PCDH15: variants seen among roughly 807,000 people sequenced by gnomAD.
PCDH15 encodes protocadherin related 15.
PCDH15 carries 129 observed loss-of-function variants against 178.5 expected under a neutral mutation model. That is an observed-to-expected ratio of 0.72 (90% CI 0.63 to 0.84). The LOEUF (loss-of-function observed/expected upper bound fraction) is 0.84. Ranked by LOEUF, PCDH15 falls within the 40% of genes least tolerant of loss-of-function variation. The probability of loss-of-function intolerance (pLI) is 0.00; values close to 1 mark genes in which losing one functional copy is unlikely to be tolerated. For synonymous variants in PCDH15, 800 were observed against 732.0 expected, an observed-to-expected ratio of 1.09 and a Z score of -1.50; for missense variants, 2,230 against 2,099.9, an observed-to-expected ratio of 1.06 and a Z score of -1.21.
chr10:54,830,171 T>C (rs980664840), intron 3 of PCDH15, among the ~76,000 whole-genome samples: 3 of 152,082 alleles, frequency 2.0e-5, no homozygotes, highest in Non-Finnish European at 4.4e-5. Context: ...TGGAAGTCAA[T>C]GTGGCGATTC....
At chr10:54,934,429 C>A (rs1416824578) in intron 2 of PCDH15, among the ~76,000 whole-genome samples, 1 of 151,988 alleles carries the variant, frequency 6.6e-6, no homozygotes, top group Non-Finnish European at 1.5e-5. Flanking sequence ...TTATTCTGGG[C>A]TATGCTAAAC....
chr10:54,395,218 T>C (rs1335972872), intron 3 of PCDH15, among the ~76,000 whole-genome samples: 1 of 152,160 alleles, frequency 6.6e-6, no homozygotes, highest in Admixed American at 6.6e-5. Context: ...GTTTAGAGAC[T>C]GCAGTAAAGA....
At chr10:55,490,068 A>G (rs1344760336) in intron 2 of PCDH15, among the ~76,000 whole-genome samples, 1 of 151,764 alleles carries the variant, frequency 6.6e-6, no homozygotes, top group East Asian at 2.0e-4. Context: ...TAAACAAAGC[A>G]ACAATTTACA....
intron 2 of PCDH15, among the ~76,000 whole-genome samples, chr10:54,577,376 G>T (rs2090592806): frequency 6.6e-6 from 1 of 151,818 alleles, no homozygotes; most frequent in African/African-American, 2.4e-5. Flanking sequence ...ACAGGCGTGA[G>T]CCACCGCTCC....
At chr10:53,952,025 G>A (rs1345585893) in intron 23 of PCDH15, among the ~76,000 whole-genome samples, 9 of 152,218 alleles carry the variant, frequency 5.9e-5, no homozygotes, top group African/African-American at 9.6e-5. Flanking sequence ...TGAGGAGAAC[G>A]TGGTGGCACC....
intron 2 of PCDH15, among the ~76,000 whole-genome samples, chr10:54,570,836 T>TTTTC (rs2089735617): frequency 6.6e-6 from 1 of 150,406 alleles, no homozygotes; most frequent in Non-Finnish European, 1.5e-5. Context: ...TTTCTTTTTT[T>TTTTC]TTTGTATTTT....
intron 2 of PCDH15, chr10:54,607,829 T>C: frequency 1.9e-6 from 1 of 526,126 alleles, no homozygotes. Context: ...AAGGAAGAGA[T>C]ATGATGCCAT....
chr10:55,377,266 T>C (rs1837416190), intron 2 of PCDH15, among the ~76,000 whole-genome samples: 1 of 151,898 alleles, frequency 6.6e-6, no homozygotes, highest in South Asian at 2.1e-4. Context: ...TTAATAATTC[T>C]ACAAGCAGTT....
At chr10:54,396,160 C>T (rs995643304) in intron 3 of PCDH15, among the ~76,000 whole-genome samples, 1 of 152,166 alleles carries the variant, frequency 6.6e-6, no homozygotes, top group African/African-American at 2.4e-5. Flanking sequence ...CTGTTATGGG[C>T]CTGGAGATGG....
chr10:54,629,134 T>C (rs2093634685), intron 2 of PCDH15, among the ~76,000 whole-genome samples: 2 of 151,842 alleles, frequency 1.3e-5, no homozygotes, highest in African/African-American at 4.9e-5. Flanking sequence ...AAGCATATGC[T>C]TCAACACAAA....
intron 1 of PCDH15, among the ~76,000 whole-genome samples, chr10:54,692,204 A>T (rs1323708334): frequency 3.9e-5 from 6 of 152,162 alleles, no homozygotes; most frequent in African/African-American, 1.4e-4. Flanking sequence ...TTTATCATTT[A>T]GATCAACTTT....
intron 3 of PCDH15, among the ~76,000 whole-genome samples, chr10:54,443,956 T>C (rs753315791): frequency 1.3e-5 from 2 of 151,716 alleles, no homozygotes; most frequent in African/African-American, 4.8e-5. Flanking sequence ...TACATACACA[T>C]GTTTAAAATC....
intron 13 of PCDH15, among the ~76,000 whole-genome samples, chr10:54,169,844 C>T (rs1681163891): frequency 6.6e-6 from 1 of 151,836 alleles, no homozygotes; most frequent in African/African-American, 2.4e-5. Context: ...ACAATTCCCC[C>T]ATTTCACCTG....
chr10:55,269,906 C>T (rs1278354438), intron 1 of PCDH15, among the ~76,000 whole-genome samples: 3 of 152,096 alleles, frequency 2.0e-5, no homozygotes, highest in Non-Finnish European at 4.4e-5. Context: ...GTAACCAAAA[C>T]AGCATGATAC....
chr10:53,945,355 C>T (rs2086449253), intron 23 of PCDH15, among the ~76,000 whole-genome samples: 2 of 152,016 alleles, frequency 1.3e-5, no homozygotes, highest in Admixed American at 6.6e-5. Flanking sequence ...TTTTGAAATA[C>T]GTATACACTG....
chr10:54,305,033 C>T (rs1030162850), intron 8 of PCDH15, among the ~76,000 whole-genome samples: 6 of 152,016 alleles, frequency 3.9e-5, no homozygotes, highest in African/African-American at 1.4e-4. Context: ...TATACTATGG[C>T]TTCTTAAAAG....
At chr10:54,779,484 ATATGTATATATATACACACATATATG>A (rs1566222623) in intron 1 of PCDH15, among the ~76,000 whole-genome samples, 8 of 50,156 alleles carry the variant, frequency 1.6e-4, no homozygotes, top group Admixed American at 4.0e-4. Context: ...ACACACATAT[ATATGTATATATATACACACATATATG>A]TGTGTATATA....
At chr10:54,366,792 A>G (rs1169337827) in intron 5 of PCDH15, among the ~76,000 whole-genome samples, 1 of 151,984 alleles carries the variant, frequency 6.6e-6, no homozygotes, top group Non-Finnish European at 1.5e-5. Context: ...AAGTACACAC[A>G]TTTGATATTA....
At chr10:55,518,366 G>C (rs1321640436) in intron 2 of PCDH15, among the ~76,000 whole-genome samples, 1 of 152,078 alleles carries the variant, frequency 6.6e-6, no homozygotes. Context: ...TAACAGTCTG[G>C]ATCATGAACA....
Sources: gnomAD v4.1 joint callset for allele counts (sites outside exome capture counted in the v4.1 genomes callset) on GRCh38, gnomAD v4.1.1 for gene constraint, MANE v1.5 for transcripts, NCBI Gene and HGNC (gene_info 2026-07-23, HGNC 2026-07-21) for gene names.